The following TRIM24 variants were observed in gnomAD, a reference collection of about 807,000 sequenced individuals.
TRIM24 encodes the protein transcription intermediary factor 1-alpha.
Under a neutral mutation model 123.9 loss-of-function variants are expected in TRIM24, and 29 were observed. That is an observed-to-expected ratio of 0.23 (90% CI 0.17 to 0.32). The LOEUF (loss-of-function observed/expected upper bound fraction) is 0.32. TRIM24 is among the 10% of genes least tolerant of loss of function. The pLI is 1.00. For synonymous variants in TRIM24, 456 were observed against 461.1 expected (o/e 0.99, Z 0.14); for missense variants, 932 against 1,295.3 (o/e 0.72, Z 4.31).
At chr7:138,485,262 A>T (rs115035976) in intron 1 of TRIM24, among the ~76,000 whole-genome samples, 1,986 of 152,246 alleles carry the variant, frequency 0.013, 36 homozygotes, top group African/African-American at 0.045. Context: ...AATCATATTC[A>T]AGTATATAAT....
At chr7:138,523,979 C>T (rs1471437719) in intron 4 of TRIM24, among the ~76,000 whole-genome samples, 1 of 152,062 alleles carries the variant, frequency 6.6e-6, no homozygotes, top group African/African-American at 2.4e-5. Context: ...GAGGGGAAAA[C>T]TTGCCTTAAA....
chr7:138,568,491 A>G (rs1303689523), intron 10 of TRIM24, among the ~76,000 whole-genome samples: 3 of 140,070 alleles, frequency 2.1e-5, no homozygotes, highest in Non-Finnish European at 1.5e-5. Flanking sequence ...GGTTCAAGCA[A>G]TTTTCCTGCC....
At position 138,460,920 on chromosome 7, in the gene TRIM24, C is replaced by T. The variant is rs1794949284; in HGVS notation, c.364+8C>T. On this transcript the variant is annotated splice_region_variant and intron_variant, in intron 1 of 18. Transcript: ENST00000343526. ...CGCCGTTCGCCACCCAAGGTGAGAA[C>T]CGGCCGCGGCCGCTGGGGAGCCCGG... The T allele has an allele frequency of 7.0e-7, 1 of 1,436,712 alleles. No individual in the cohort carries two copies. Among genetic ancestry groups the T allele is most frequent in the African/African-American group, 1.5e-5 (1 of 67,510 alleles). 89.0% of individuals were successfully genotyped at this position (1,436,712 alleles called of 1,614,324 possible).
At chr7:138,473,464 C>CTTGTTTAAGGTGGTGACTGCCAGAT (rs1283213216) in intron 1 of TRIM24, among the ~76,000 whole-genome samples, 1 of 152,156 alleles carries the variant, frequency 6.6e-6, no homozygotes, top group African/African-American at 2.4e-5. Context: ...GCCTTGATCA[C>CTTGTTTAAGGTGGTGACTGCCAGAT]TTGTTTAAGG....
At chr7:138,471,910 A>G (rs1274940702) in intron 1 of TRIM24, among the ~76,000 whole-genome samples, 1 of 152,186 alleles carries the variant, frequency 6.6e-6, no homozygotes, top group Non-Finnish European at 1.5e-5. Flanking sequence ...GAAGATCTTT[A>G]TTTTATTTTG....
In TRIM24 at chr7:138,529,414, C is replaced by T. The variant is rs115705781; in HGVS notation, c.996+184C>T. 2.9e-3 allele frequency among the ~76,000 whole-genome samples: 445 copies of T among 152,158 alleles called. 3 individuals are homozygous for T. The highest frequency in any genetic ancestry group is 9.9e-3 in the African/African-American group (411 of 41,536). On this transcript the variant is annotated intron_variant, in intron 6 of 18. Coordinates refer to ENST00000343526, the MANE Select transcript of TRIM24 (RefSeq NM_015905.3). ...GCTGACAATTTAAAGCTTTATAATA[C>T]GCTATGAATGTCTGATGACTGATTG... is the stretch of plus-strand genomic sequence containing the variant.
At chr7:138,468,293 T>C (rs1433000542) in intron 1 of TRIM24, among the ~76,000 whole-genome samples, 1 of 152,218 alleles carries the variant, frequency 6.6e-6, no homozygotes, top group Non-Finnish European at 1.5e-5. Context: ...ATGTATGAAT[T>C]ACGTTGATTT....
intron 18 of TRIM24, 31 bp downstream of exon 18, chr7:138,584,030 G>A: frequency 6.4e-7 from 1 of 1,570,264 alleles, no homozygotes; most frequent in South Asian, 1.2e-5. Flanking sequence ...GGGGCAGGAA[G>A]GAACAGCAGT....
Position 138,554,008 on chromosome 7 carries a change from C to G in TRIM24, c.1262-690C>G, listed in dbSNP as rs1481599213. Among the ~76,000 whole-genome samples, 1 of 152,190 alleles carries G rather than the reference C, an allele frequency of 6.6e-6. No individual in the cohort carries two copies. Among genetic ancestry groups the G allele is most frequent in the Non-Finnish European group, 1.5e-5 (1 of 68,040 alleles). On this transcript the variant is annotated intron_variant, in intron 8 of 18. Transcript: ENST00000343526. This position sits in a 1 kb window ranked among gnomAD's most constrained non-coding sequence, Gnocchi z 4.5. ...GTTTATATAGCACTTAGCACCCTCC[C>G]GCTAGCAACCTCCATGTGGCAACCT...
Position 138,554,041 on chromosome 7 carries a change from A to T in TRIM24, c.1262-657A>T, listed in dbSNP as rs1797265451. Among the ~76,000 whole-genome samples the T allele has an allele frequency of 6.6e-6, 1 of 152,220 alleles. No homozygotes were observed. The highest frequency in any genetic ancestry group is 1.5e-5 in the Non-Finnish European group (1 of 68,038). Reference sequence around the variant, plus strand: ...ACCTCCATGTGGCAACCTTCATTTAACACAAAGCAAAAGGCATCCATCCCC... The same window carrying T: ...ACCTCCATGTGGCAACCTTCATTTATCACAAAGCAAAAGGCATCCATCCCC... On this transcript the variant is annotated intron_variant, in intron 8 of 18. Transcript: ENST00000343526. This position sits in a 1 kb window ranked among gnomAD's most constrained non-coding sequence, Gnocchi z 4.5.
rs749942808 is a variant in TRIM24 at position 138,585,772 on chromosome 7, A to G, written c.*821A>G. On this transcript the variant is annotated 3_prime_UTR_variant, in exon 19 of 19. Coordinates refer to ENST00000343526, the MANE Select transcript of TRIM24 (RefSeq NM_015905.3). ...TAATTGTACAGGTGATCCTTTTACA[A>G]CAAGCCTCATTGTTTGCAGTATAGC... 1.9e-6 allele frequency: 1 copy of G among 522,148 alleles called. No homozygotes were observed. The highest frequency in any genetic ancestry group is 1.4e-5 in the South Asian group (1 of 71,144). 32.3% of individuals were successfully genotyped at this position (522,148 alleles called of 1,614,324 possible).
chr7:138,560,233 G>T (rs1208436042), intron 9 of TRIM24, among the ~76,000 whole-genome samples: 2 of 152,204 alleles, frequency 1.3e-5, no homozygotes, highest in Admixed American at 1.3e-4. Flanking sequence ...TAGGCTATGT[G>T]TAACTTCCAT....
Position 138,460,635 on chromosome 7 carries a change from G to T in TRIM24, c.87G>T (p.Gly29=). ...GGGGGCCCTCGGCGGCGCCGAGCGG[G>T]GAGAACGAGGCCGAGAGTCGGCAGG... The part of the protein sequence containing the change: ...ASGGPSAAPS[G]ENEAESRQGP... Residue 29 remains glycine (G), a synonymous_variant, in exon 1 of 19, where the codon GGG becomes GGT. Coordinates refer to ENST00000343526, the MANE Select transcript of TRIM24 (RefSeq NM_015905.3). The T allele has an allele frequency of 6.9e-7, 1 of 1,442,596 alleles. No homozygotes were observed. Among genetic ancestry groups the T allele is most frequent in the Non-Finnish European group, 9.1e-7 (1 of 1,099,848 alleles). The allele number at this position is 1,442,596 out of a possible 1,614,324, so 89.4% of individuals were successfully genotyped here. A position where few individuals can be genotyped will look rare whatever the true frequency, so the allele number is the denominator to read the frequency against.
chr7:138,548,697 G>A (rs890427953), intron 7 of TRIM24, among the ~76,000 whole-genome samples: 8 of 152,050 alleles, frequency 5.3e-5, no homozygotes, highest in African/African-American at 1.9e-4. Flanking sequence ...TTTTTTAAAT[G>A]TTTTGATTTT....
chr7:138,579,879 C>A (rs937556702), intron 15 of TRIM24, among the ~76,000 whole-genome samples: 14 of 152,124 alleles, frequency 9.2e-5, no homozygotes, highest in African/African-American at 3.1e-4. Context: ...GCTGTGCTTG[C>A]ACCACTGCAC....
intron 9 of TRIM24, among the ~76,000 whole-genome samples, chr7:138,555,599 C>T (rs1233489317): frequency 1.3e-5 from 2 of 151,714 alleles, no homozygotes; most frequent in Non-Finnish European, 2.9e-5. Flanking sequence ...TCTCCCACCT[C>T]AGCCTCCCAA....
chr7:138,494,892 C>T (rs1414063893), intron 1 of TRIM24, among the ~76,000 whole-genome samples: 1 of 152,006 alleles, frequency 6.6e-6, no homozygotes, highest in African/African-American at 2.4e-5. Context: ...TTCATTGAGT[C>T]ATCATTGTAA....
chr7:138,463,056 T>G (rs1489710813), intron 1 of TRIM24, among the ~76,000 whole-genome samples: 5 of 143,052 alleles, frequency 3.5e-5, no homozygotes, highest in South Asian at 4.5e-4. Context: ...TTTTTTTTTT[T>G]TTTTTTTTTT....
chr7:138,533,004 GCT>G (rs1796781267), intron 6 of TRIM24, among the ~76,000 whole-genome samples: 3 of 152,046 alleles, frequency 2.0e-5, no homozygotes, highest in African/African-American at 7.2e-5. Context: ...TCATGATTTG[GCT>G]CTCTGTTTGT....
Sources: allele counts gnomAD v4.1 joint callset (sites outside exome capture counted in the v4.1 genomes callset), GRCh38; gene constraint gnomAD v4.1.1; non-coding constraint Gnocchi (gnomAD v3.1); transcripts MANE v1.5; gene names NCBI Gene and HGNC (gene_info 2026-07-23, HGNC 2026-07-21).